The following PRELID2 variants were observed in gnomAD, a reference collection of about 807,000 sequenced individuals.
PRELID2 encodes the protein PRELI domain-containing protein 2.
A neutral mutation model predicts 28.4 loss-of-function variants in PRELID2; 25 were observed. The observed-to-expected ratio is 0.88, with a 90% CI of 0.64 to 1.23. The LOEUF is 1.23. PRELID2 is among the 50% of genes most tolerant of loss of function. The probability of loss-of-function intolerance (pLI) is 0.00; values close to 1 mark genes in which losing one functional copy is unlikely to be tolerated. For synonymous variants in PRELID2, 76 were observed against 71.6 expected, an observed-to-expected ratio of 1.06 and a Z score of -0.31; for missense variants, 201 against 214.4, an observed-to-expected ratio of 0.94 and a Z score of 0.39.
intron 1 of PRELID2, among the ~76,000 whole-genome samples, chr5:145,518,754 A>G (rs1000119140): frequency 6.6e-6 from 1 of 152,188 alleles, no homozygotes; most frequent in Non-Finnish European, 1.5e-5. Flanking sequence ...ATAGCTAAAG[A>G]CATTTTTGGT....
the PRELID2 span, among the ~76,000 whole-genome samples, chr5:145,330,670 CTTTA>C: frequency 6.6e-6 from 1 of 152,034 alleles, no homozygotes; most frequent in African/African-American, 2.4e-5. Flanking sequence ...CTCTTTTCTT[CTTTA>C]TTAGGCTGGC....
chr5:145,770,681 G>A (rs1228996405), intron 5 of PRELID2, among the ~76,000 whole-genome samples: 2 of 152,142 alleles, frequency 1.3e-5, no homozygotes, highest in South Asian at 2.1e-4. Context: ...TTCTGTGTAG[G>A]CCTAGGCTAA....
chr5:145,720,155 G>T (rs977719035), intron 1 of PRELID2, among the ~76,000 whole-genome samples: 2 of 151,350 alleles, frequency 1.3e-5, no homozygotes, highest in African/African-American at 4.8e-5. Context: ...CTCTGAAAAA[G>T]AAAAAAGAAT....
At chr5:145,835,070 C>G in intron 1 of PRELID2, 107 bp downstream of exon 1, 1 of 747,144 alleles carries the variant, frequency 1.3e-6, no homozygotes, top group Non-Finnish European at 2.3e-6. Context: ...AAGCCCGCAG[C>G]TGGAAAGAGA....
chr5:145,633,866 C>G (rs1262045831), intron 1 of PRELID2, among the ~76,000 whole-genome samples: 4 of 152,162 alleles, frequency 2.6e-5, no homozygotes, highest in Non-Finnish European at 5.9e-5. Flanking sequence ...GAAATACTTC[C>G]TGATGTCCAG....
At chr5:145,378,268 G>A in the PRELID2 span, among the ~76,000 whole-genome samples, 34,832 of 151,938 alleles carry the variant, frequency 0.23, 4,213 homozygotes, top group South Asian at 0.33. Context: ...TGTGTCTTGC[G>A]GAGGATCTTT....
intron 1 of PRELID2, among the ~76,000 whole-genome samples, chr5:145,702,093 A>G (rs1033328989): frequency 2.6e-5 from 4 of 152,078 alleles, no homozygotes; most frequent in Admixed American, 2.6e-4. Context: ...ACATATATAT[A>G]TATTTAATGT....
At chr5:145,320,759 AT>A in the PRELID2 span, among the ~76,000 whole-genome samples, 1 of 152,190 alleles carries the variant, frequency 6.6e-6, no homozygotes, top group Non-Finnish European at 1.5e-5. Flanking sequence ...ACTGAAAAAA[AT>A]ATGTGCTGAC....
At chr5:145,623,637 GTAGGTAGGTAGA>G (rs1753803811) in intron 1 of PRELID2, among the ~76,000 whole-genome samples, 1 of 150,942 alleles carries the variant, frequency 6.6e-6, no homozygotes, top group Admixed American at 6.6e-5. Flanking sequence ...AGGTAGATAG[GTAGGTAGGTAGA>G]TAGGTAGGTA....
chr5:145,702,646 C>T (rs1341167385), intron 1 of PRELID2, among the ~76,000 whole-genome samples: 5 of 152,158 alleles, frequency 3.3e-5, no homozygotes, highest in Non-Finnish European at 5.9e-5. Flanking sequence ...AGAAACTTGC[C>T]TGAAGCACCC....
chr5:145,229,577 C>A, the PRELID2 span: 3 of 1,471,978 alleles, frequency 2.0e-6, no homozygotes, highest in Non-Finnish European at 2.8e-6. Flanking sequence ...CTTCATGTAC[C>A]TGAACGAAGT....
At chr5:145,406,383 T>A in the PRELID2 span, among the ~76,000 whole-genome samples, 7 of 152,162 alleles carry the variant, frequency 4.6e-5, no homozygotes, top group Non-Finnish European at 2.9e-5. Context: ...GGCTCTCATG[T>A]CTCTGAAAAA....
chr5:145,400,658 C>G, the PRELID2 span, among the ~76,000 whole-genome samples: 1 of 152,244 alleles, frequency 6.6e-6, no homozygotes, highest in East Asian at 1.9e-4. Context: ...TCAGCGCACA[C>G]ATTTGGTTTT....
At chr5:145,702,072 T>C (rs997931794) in intron 1 of PRELID2, among the ~76,000 whole-genome samples, 5 of 151,700 alleles carry the variant, frequency 3.3e-5, no homozygotes, top group East Asian at 1.9e-4. Flanking sequence ...AATATATATA[T>C]ACACACACAC....
At chr5:145,229,679 C>T in the PRELID2 span, 331 of 766,222 alleles carry the variant, frequency 4.3e-4, 1 homozygote, top group African/African-American at 5.2e-3. Flanking sequence ...CAGTAGGCAC[C>T]ATCCTTTACC....
the PRELID2 span, among the ~76,000 whole-genome samples, chr5:145,275,864 C>T: frequency 3.3e-5 from 5 of 152,268 alleles, no homozygotes; most frequent in East Asian, 9.7e-4. Context: ...CTTAATCTCT[C>T]TGTGTATCAT....
the PRELID2 span, among the ~76,000 whole-genome samples, chr5:145,422,844 A>G: frequency 6.6e-6 from 1 of 151,030 alleles, no homozygotes; most frequent in Admixed American, 6.6e-5. Flanking sequence ...TGGTCTTTAC[A>G]TTTTGGCATG....
At chr5:145,604,258 C>G (rs1472428113) in intron 1 of PRELID2, among the ~76,000 whole-genome samples, 3 of 152,072 alleles carry the variant, frequency 2.0e-5, no homozygotes, top group African/African-American at 7.2e-5. Flanking sequence ...CCTCCACCCT[C>G]AAGTAGGCCC....
intron 5 of PRELID2, chr5:145,796,022 G>A (rs1224663784): frequency 6.5e-6 from 1 of 153,618 alleles, no homozygotes; most frequent in East Asian, 1.9e-4. Flanking sequence ...AACAATAACA[G>A]CTCCTGCAAA....
Sources: allele counts gnomAD v4.1 joint callset (sites outside exome capture counted in the v4.1 genomes callset), GRCh38; gene constraint gnomAD v4.1.1; transcripts MANE v1.5; gene names NCBI Gene and HGNC (gene_info 2026-07-23, HGNC 2026-07-21).